Variants in BRINP1 observed in about 807,000 individuals in gnomAD.
The protein encoded by BRINP1 is BMP/retinoic acid-inducible neural-specific protein 1.
In BRINP1, 17 loss-of-function variants were observed where a neutral mutation model predicts 72.9. The ratio of observed to expected loss-of-function variants is 0.23; its 90% confidence interval spans 0.16 to 0.35. The LOEUF (loss-of-function observed/expected upper bound fraction) is 0.35. BRINP1 is among the 10% of genes least tolerant of loss of function. BRINP1 has a pLI of 1.00. For missense variants in BRINP1, 850 were observed against 1,001.6 expected (o/e 0.85, Z 2.04); for synonymous variants, 418 against 378.5 (o/e 1.10, Z -1.21).
At chr9:119,209,509 G>A (rs1239246531) in intron 6 of BRINP1, among the ~76,000 whole-genome samples, 1 of 151,218 alleles carries the variant, frequency 6.6e-6, no homozygotes, top group Non-Finnish European at 1.5e-5. Flanking sequence ...CAGAGGTCAA[G>A]TGAGCTGAGA....
At chr9:119,269,852 T>C (rs1183778739) in intron 2 of BRINP1, among the ~76,000 whole-genome samples, 3 of 51,918 alleles carry the variant, frequency 5.8e-5, no homozygotes, top group African/African-American at 1.5e-4. Context: ...ACACTTGAGA[T>C]ACATTAATAA....
intron 7 of BRINP1, among the ~76,000 whole-genome samples, chr9:119,204,616 C>G (rs1397752559): frequency 1.3e-5 from 2 of 152,162 alleles, no homozygotes; most frequent in Non-Finnish European, 2.9e-5. Context: ...AGTGCCTGAC[C>G]TTTAGAATAC....
intron 7 of BRINP1, among the ~76,000 whole-genome samples, chr9:119,169,764 C>T (rs1394252561): frequency 6.6e-6 from 1 of 152,222 alleles, no homozygotes; most frequent in Non-Finnish European, 1.5e-5. Context: ...GTGGTTCTCC[C>T]AGCATGCAGC....
chr9:119,218,976 G>A (rs1242597022), intron 5 of BRINP1, among the ~76,000 whole-genome samples: 1 of 152,076 alleles, frequency 6.6e-6, no homozygotes, highest in Non-Finnish European at 1.5e-5. Context: ...GGTCATGTGG[G>A]TGGTGCCCTT....
intron 5 of BRINP1, among the ~76,000 whole-genome samples, chr9:119,232,302 T>A (rs1370956548): frequency 6.6e-6 from 1 of 152,204 alleles, no homozygotes; most frequent in Non-Finnish European, 1.5e-5. Flanking sequence ...CTCACCTGGA[T>A]AAACATGACA....
intron 7 of BRINP1, among the ~76,000 whole-genome samples, chr9:119,190,203 T>A (rs997661700): frequency 6.6e-6 from 1 of 151,340 alleles, no homozygotes; most frequent in African/African-American, 2.4e-5. Context: ...CAGCAATAAA[T>A]AATAAACAAG....
At chr9:119,271,137 G>A (rs1209058794) in intron 2 of BRINP1, among the ~76,000 whole-genome samples, 1 of 152,090 alleles carries the variant, frequency 6.6e-6, no homozygotes, top group Non-Finnish European at 1.5e-5. Context: ...TGATGAAATG[G>A]TTAAGCCAGG....
At chr9:119,351,727 A>G in intron 1 of BRINP1, among the ~76,000 whole-genome samples, 1 of 152,242 alleles carries the variant, frequency 6.6e-6, no homozygotes, top group Non-Finnish European at 1.5e-5. Context: ...TTGGGCCAAC[A>G]TGAATAATTA....
At chr9:119,260,893 G>A (rs189891614) in intron 2 of BRINP1, among the ~76,000 whole-genome samples, 93 of 152,220 alleles carry the variant, frequency 6.1e-4, no homozygotes, top group Admixed American at 3.3e-3. Context: ...ATAAGAAGAA[G>A]GAAGGCATCA....
intron 7 of BRINP1, among the ~76,000 whole-genome samples, chr9:119,175,584 T>A (rs557562817): frequency 4.3e-4 from 66 of 152,276 alleles, no homozygotes; most frequent in African/African-American, 1.4e-3. Flanking sequence ...TTCAGTTGAT[T>A]TCTATTGCAG....
intron 7 of BRINP1, among the ~76,000 whole-genome samples, chr9:119,195,268 TTGAATGAATAAATGAA>T (rs1268921022): frequency 6.6e-6 from 1 of 152,206 alleles, no homozygotes; most frequent in Admixed American, 6.5e-5. Flanking sequence ...TAAATATTTG[TTGAATGAATAAATGAA>T]TGAATGAATA....
chr9:119,321,746 T>C (rs1831191368), intron 1 of BRINP1, among the ~76,000 whole-genome samples: 1 of 152,254 alleles, frequency 6.6e-6, no homozygotes, highest in Non-Finnish European at 1.5e-5. Context: ...TGAGTCACCA[T>C]GCCTGGCCAA....
intron 2 of BRINP1, among the ~76,000 whole-genome samples, chr9:119,277,397 G>A (rs565667721): frequency 3.9e-5 from 6 of 152,188 alleles, no homozygotes; most frequent in Non-Finnish European, 5.9e-5. Context: ...TGTATTCCTC[G>A]CTTCCTAATT....
chr9:119,369,242 C>G lies in BRINP1; in HGVS notation c.-237G>C, dbSNP rs558224555. 166 of 398,706 alleles carry G rather than the reference C, an allele frequency of 4.2e-4. 4 individuals are homozygous for G. In the South Asian group the frequency reaches 0.02, roughly 49 times the overall value. 24.7% of individuals were successfully genotyped at this position (398,706 alleles called of 1,614,324 possible). ...GCCGTAAAGTCCCCTTCGCTGGTCC[C>G]GAGGACAGGCATGAATCCCGGCTCC... is the stretch of plus-strand genomic sequence containing the variant. On this transcript the variant is annotated 5_prime_UTR_variant, in exon 1 of 8. Coordinates refer to ENST00000265922, the MANE Select transcript of BRINP1 (RefSeq NM_014618.3).
chr9:119,213,956 C>T lies in BRINP1; in HGVS notation c.885G>A (p.Lys295=). ...IMEYTLANMA[K]SWAEAYKDLE... ...GGTCCTTATAAGCTTCGGCCCAAGA[C>T]TTGGCCATGTTGGCCAGCGTGTACT... is the stretch of plus-strand genomic sequence containing the variant. The change falls in exon 6 of 8, where the codon AAG becomes AAA. Residue 295 remains lysine (K), a synonymous_variant. Coordinates refer to ENST00000265922, the MANE Select transcript of BRINP1 (RefSeq NM_014618.3). 6.2e-7 allele frequency: 1 copy of T among 1,614,198 alleles called. No homozygotes were observed.
intron 7 of BRINP1, among the ~76,000 whole-genome samples, chr9:119,178,525 C>T (rs1348338478): frequency 6.6e-6 from 1 of 152,210 alleles, no homozygotes; most frequent in Admixed American, 6.5e-5. Flanking sequence ...AGCCAGTTCT[C>T]TCAGTAGTTA....
At chr9:119,366,445 C>T (rs527368033) in intron 1 of BRINP1, among the ~76,000 whole-genome samples, 1 of 151,190 alleles carries the variant, frequency 6.6e-6, no homozygotes, top group Non-Finnish European at 1.5e-5. Context: ...TCCCTAAAGA[C>T]ATTGGAGAAG....
intron 5 of BRINP1, among the ~76,000 whole-genome samples, chr9:119,217,330 G>GAC (rs60503500): frequency 0.037 from 5,398 of 146,008 alleles, 284 homozygotes; most frequent in African/African-American, 0.13. Context: ...CAGACACACA[G>GAC]ACACACACAC....
At chr9:119,222,206 T>C (rs148522552) in intron 5 of BRINP1, among the ~76,000 whole-genome samples, 1 of 152,202 alleles carries the variant, frequency 6.6e-6, no homozygotes, top group East Asian at 1.9e-4. Context: ...GTGACCACCA[T>C]GTAGCATAAG....
Sources: gnomAD v4.1 joint callset for allele counts (sites outside exome capture counted in the v4.1 genomes callset) on GRCh38, gnomAD v4.1.1 for gene constraint, MANE v1.5 for transcripts, NCBI Gene and HGNC (gene_info 2026-07-23, HGNC 2026-07-21) for gene names.